The following GALNTL6 variants were observed in gnomAD, a reference collection of about 807,000 sequenced individuals.
GALNTL6 encodes the protein polypeptide N-acetylgalactosaminyltransferase-like 6.
A neutral mutation model predicts 73.7 loss-of-function variants in GALNTL6; 46 were observed. The ratio of observed to expected loss-of-function variants is 0.62; its 90% confidence interval spans 0.49 to 0.80. The LOEUF (loss-of-function observed/expected upper bound fraction) is 0.80. Ranked by LOEUF, GALNTL6 falls within the 30% of genes least tolerant of loss-of-function variation. The pLI is 0.00. For synonymous variants in GALNTL6, 259 were observed against 263.7 expected (o/e 0.98, Z 0.17); for missense variants, 604 against 755.0 (o/e 0.80, Z 2.34).
At chr4:173,009,154 C>G (rs1431218088) in intron 10 of GALNTL6, 24 bp from the exon 11 acceptor site, 4 of 1,535,462 alleles carry the variant, frequency 2.6e-6, no homozygotes, top group Non-Finnish European at 3.6e-6. Flanking sequence ...GCCCCACACT[C>G]AAAATTCTTT....
chr4:172,529,100 CTATAT>C (rs955059367), intron 5 of GALNTL6, among the ~76,000 whole-genome samples: 4 of 149,206 alleles, frequency 2.7e-5, no homozygotes, highest in Admixed American at 6.8e-5. Flanking sequence ...GAGCTTTCAA[CTATAT>C]TATATTTGGA....
chr4:171,938,973 A>T (rs1738438608), intron 2 of GALNTL6, among the ~76,000 whole-genome samples: 1 of 152,104 alleles, frequency 6.6e-6, no homozygotes, highest in Admixed American at 6.6e-5. Context: ...AATTATTAGC[A>T]TAGAAAGCTG....
At chr4:172,025,967 T>A (rs936539993) in intron 2 of GALNTL6, among the ~76,000 whole-genome samples, 1 of 152,028 alleles carries the variant, frequency 6.6e-6, no homozygotes, top group Non-Finnish European at 1.5e-5. Context: ...TAAGCCAAGA[T>A]AAAAATTTTC....
Position 172,764,329 on chromosome 4 carries a change from G to A in GALNTL6, c.554-45032G>A, listed in dbSNP as rs1162623212. On this transcript the variant is annotated intron_variant, in intron 5 of 12. Transcript: ENST00000506823. ...AGATGAAAAAGTCAATTATTAAAAT[G>A]TTGAAAAACCATTTGGAAATATACA... is the stretch of plus-strand genomic sequence containing the variant. Among the ~76,000 whole-genome samples the A allele has an allele frequency of 7.2e-5, 11 of 152,266 alleles. No homozygotes were observed. In the East Asian group the frequency reaches 2.1e-3, roughly 29 times the overall value.
At chr4:171,852,688 A>C (rs1267906261) in intron 2 of GALNTL6, among the ~76,000 whole-genome samples, 1 of 152,136 alleles carries the variant, frequency 6.6e-6, no homozygotes, top group Admixed American at 6.5e-5. Context: ...AATTATTGCC[A>C]CCTGTCAGTG....
intron 3 of GALNTL6, among the ~76,000 whole-genome samples, chr4:172,294,083 A>G (rs1739573729): frequency 6.6e-6 from 1 of 151,718 alleles, no homozygotes; most frequent in Admixed American, 6.6e-5. Flanking sequence ...CAATGCTACA[A>G]ATAAGAGATT....
intron 5 of GALNTL6, among the ~76,000 whole-genome samples, chr4:172,715,192 G>A (rs763127945): frequency 1.7e-4 from 26 of 152,070 alleles, no homozygotes; most frequent in African/African-American, 5.1e-4. Flanking sequence ...GGCAGAATTC[G>A]GAAAAACTCT....
intron 5 of GALNTL6, among the ~76,000 whole-genome samples, chr4:172,351,178 T>A (rs1395099312): frequency 3.1e-5 from 1 of 31,824 alleles, no homozygotes; most frequent in Non-Finnish European, 7.0e-5. Context: ...TCCACAATAA[T>A]CTGTCTATCT....
chr4:172,161,855 A>G (rs547568532), intron 2 of GALNTL6, among the ~76,000 whole-genome samples: 10 of 152,170 alleles, frequency 6.6e-5, no homozygotes, highest in African/African-American at 1.9e-4. Flanking sequence ...ACAAGTCAGT[A>G]AAGATTGAGG....
At chr4:172,630,932 T>C (rs1354436250) in intron 5 of GALNTL6, among the ~76,000 whole-genome samples, 2 of 150,630 alleles carry the variant, frequency 1.3e-5, no homozygotes, top group Non-Finnish European at 3.0e-5. Flanking sequence ...CAACAGAAAA[T>C]AAAATTCTTA....
chr4:172,151,628 C>G (rs1734089141), intron 2 of GALNTL6, among the ~76,000 whole-genome samples: 1 of 152,056 alleles, frequency 6.6e-6, no homozygotes, highest in Non-Finnish European at 1.5e-5. Flanking sequence ...TGAAACAATT[C>G]AAGAGTTGTT....
chr4:172,415,622 C>G (rs1011329490), intron 5 of GALNTL6, among the ~76,000 whole-genome samples: 9 of 152,276 alleles, frequency 5.9e-5, no homozygotes, highest in Non-Finnish European at 1.3e-4. Flanking sequence ...AAGAACCCCT[C>G]AGACACCAAG....
intron 11 of GALNTL6, among the ~76,000 whole-genome samples, chr4:173,016,885 A>G (rs1384156478): frequency 2.0e-5 from 3 of 152,164 alleles, no homozygotes; most frequent in African/African-American, 7.2e-5. Flanking sequence ...TGTAGTTCCC[A>G]TAATCCCCAC....
chr4:172,583,085 T>C (rs1737256155), intron 5 of GALNTL6, among the ~76,000 whole-genome samples: 1 of 151,770 alleles, frequency 6.6e-6, no homozygotes, highest in Non-Finnish European at 1.5e-5. Flanking sequence ...ATCTGTAAAA[T>C]TAATTCTCCT....
chr4:172,170,038 G>A (rs1423766115), intron 2 of GALNTL6, among the ~76,000 whole-genome samples: 1 of 152,142 alleles, frequency 6.6e-6, no homozygotes, highest in Non-Finnish European at 1.5e-5. Context: ...AGCAGGACTT[G>A]GAATGCAGGA....
At chr4:171,854,387 A>G (rs1347416522) in intron 2 of GALNTL6, among the ~76,000 whole-genome samples, 3 of 152,180 alleles carry the variant, frequency 2.0e-5, no homozygotes, top group Non-Finnish European at 4.4e-5. Context: ...GAACATGAGA[A>G]ACGGCTGCAC....
intron 5 of GALNTL6, among the ~76,000 whole-genome samples, chr4:172,451,936 G>A (rs1358741705): frequency 3.9e-5 from 6 of 152,086 alleles, no homozygotes; most frequent in Non-Finnish European, 5.9e-5. Context: ...TTCTGAGCCC[G>A]GGAAGTTGAG....
chr4:173,036,790 G>C (rs867585063), intron 12 of GALNTL6, among the ~76,000 whole-genome samples: 3 of 152,092 alleles, frequency 2.0e-5, no homozygotes, highest in South Asian at 2.1e-4. Flanking sequence ...CTTTAGGGAG[G>C]GTTGTTTTAG....
intron 2 of GALNTL6, among the ~76,000 whole-genome samples, chr4:172,150,874 A>T (rs1734066272): frequency 6.6e-6 from 1 of 152,332 alleles, no homozygotes; most frequent in East Asian, 1.9e-4. Context: ...TAACTGTGGA[A>T]GAGAGAGTTA....
Sources: allele counts gnomAD v4.1 joint callset (sites outside exome capture counted in the v4.1 genomes callset), GRCh38; gene constraint gnomAD v4.1.1; transcripts MANE v1.5; gene names NCBI Gene and HGNC (gene_info 2026-07-23, HGNC 2026-07-21).